The following LMAN1L variants were observed in gnomAD, a reference collection of about 807,000 sequenced individuals.
The protein encoded by LMAN1L is lectin, mannose binding 1 like.
A neutral mutation model predicts 58.3 loss-of-function variants in LMAN1L; 60 were observed. The ratio of observed to expected loss-of-function variants is 1.03; its 90% confidence interval spans 0.84 to 1.27. LMAN1L has a LOEUF of 1.27. Among genes scored for constraint, LMAN1L ranks in the 50% most tolerant of loss-of-function variants. The pLI is 0.00. For synonymous variants in LMAN1L, 280 were observed against 271.6 expected, an observed-to-expected ratio of 1.03 and a Z score of -0.31; for missense variants, 629 against 674.0, an observed-to-expected ratio of 0.93 and a Z score of 0.74.
Position 74,819,757 on chromosome 15 carries a change from G to A in LMAN1L, c.719-287G>A, listed in dbSNP as rs1040579001. The stretch of plus-strand genomic sequence containing the variant: ...GCAGCTGTGCTCTGGGGGCCTAAGA[G>A]TGTCAGATGGTCTGCTGCCATGGCT... On this transcript the variant is annotated intron_variant, in intron 6 of 13. Transcript: ENST00000309664. The A allele has an allele frequency of 4.0e-5, 22 of 544,562 alleles. No individual in the cohort carries two copies. In the Admixed American group the frequency reaches 6.6e-4, roughly 16 times the overall value. The allele number at this position is 544,562 out of a possible 1,614,324, so 33.7% of individuals were successfully genotyped here. A position where few individuals can be genotyped will look rare whatever the true frequency, so the allele number is the denominator to read the frequency against.
chr15:74,816,754 C>G (rs995443345), intron 4 of LMAN1L, 64 bp downstream of exon 4: 57 of 1,484,430 alleles, frequency 3.8e-5, no homozygotes, highest in African/African-American at 4.2e-5. Context: ...CCATCCCCCC[C>G]ATCCGAGCCC....
chr15:74,822,851 G>T (rs1033745570), intron 11 of LMAN1L, 142 bp downstream of exon 11: 1 of 643,494 alleles, frequency 1.6e-6, no homozygotes, highest in Non-Finnish European at 2.8e-6. Flanking sequence ...AGTTAGGTTT[G>T]TTGAGTTGAC....
In LMAN1L at chr15:74,825,701, C is replaced by A. The variant is rs764785452; in HGVS notation, c.*96C>A. On this transcript the variant is annotated 3_prime_UTR_variant, in exon 14 of 14. Coordinates refer to ENST00000309664, the MANE Select transcript of LMAN1L (RefSeq NM_021819.3). ...TCTCCGTCTGGGTGCCCAGCTCCCA[C>A]GCACACCTGAGCTTTCGGCATGCTC... The A allele has an allele frequency of 6.2e-5, 79 of 1,281,510 alleles. No homozygotes were observed. Among genetic ancestry groups the A allele is most frequent in the Non-Finnish European group, 8.4e-5 (77 of 914,694 alleles). 79.4% of individuals were successfully genotyped at this position (1,281,510 alleles called of 1,614,324 possible). A position where few individuals can be genotyped will look rare whatever the true frequency, so the allele number is the denominator to read the frequency against.
At position 74,820,658 on chromosome 15, in the gene LMAN1L, G is replaced by A; in HGVS notation, c.798G>A (p.Glu266=). ...SPEVPPQPFL[E]MQQLRLARQL... ...AGGTTCCCCCTCAGCCCTTCCTGGA[G>A]ATGCAGCAGCTCCGCCTGGCGAGGC... The change falls in exon 8 of 14, where the codon GAG becomes GAA. Residue 266 remains glutamate (E), a synonymous_variant. Coordinates refer to ENST00000309664, the MANE Select transcript of LMAN1L (RefSeq NM_021819.3). The A allele has an allele frequency of 6.2e-7, 1 of 1,614,050 alleles. No homozygotes were observed.
chr15:74,822,874 G>T (rs2063923562), intron 11 of LMAN1L, among the ~76,000 whole-genome samples, 165 bp downstream of exon 11: 2 of 152,208 alleles, frequency 1.3e-5, no homozygotes, highest in Non-Finnish European at 2.9e-5. Flanking sequence ...GAATTTAATT[G>T]AATCAAGTTT....
At chr15:74,816,787 G>GGT in intron 4 of LMAN1L, 97 bp downstream of exon 4, 2 of 1,229,392 alleles carry the variant, frequency 1.6e-6, no homozygotes, top group Non-Finnish European at 1.1e-6. Flanking sequence ...CCTCCAGCAG[G>GGT]GGGCCCACCC....
intron 12 of LMAN1L, chr15:74,824,150 C>T: frequency 1.6e-6 from 1 of 636,190 alleles, no homozygotes; most frequent in Non-Finnish European, 2.8e-6. Flanking sequence ...GCCTTCCCAG[C>T]TGTTCCCACA....
At chr15:74,820,582 G>A (rs2063911927) in intron 7 of LMAN1L, 53 bp from the exon 8 acceptor site, 4 of 1,610,104 alleles carry the variant, frequency 2.5e-6, no homozygotes, top group African/African-American at 1.3e-5. Flanking sequence ...GGCTCCCCTT[G>A]CTTCTGGATC....
In LMAN1L at chr15:74,824,470, G is replaced by A. The variant is rs1366897104; in HGVS notation, c.1443G>A (p.Val481=). Residue 481 remains valine (V), a synonymous_variant, in exon 13 of 14, where the codon GTG becomes GTA. Coordinates refer to ENST00000309664, the MANE Select transcript of LMAN1L (RefSeq NM_021819.3). ...AGACTGTAGGCTTCTTCGGCTACGTGCACTTCAGGTGGGCCACCCCGTGAG... is the reference window on the plus strand; with the variant it reads ...AGACTGTAGGCTTCTTCGGCTACGTACACTTCAGGTGGGCCACCCCGTGAG... The part of the protein sequence containing the change: ...LIQTVGFFGY[V]HFRQELNKSL... 6.2e-7 allele frequency: 1 copy of A among 1,614,182 alleles called. No individual in the cohort carries two copies. Among genetic ancestry groups the A allele is most frequent in the Non-Finnish European group, 8.5e-7 (1 of 1,180,012 alleles).
intron 1 of LMAN1L, chr15:74,813,610 C>A (rs901525846): frequency 2.7e-6 from 1 of 375,246 alleles, no homozygotes; most frequent in African/African-American, 2.1e-5. Flanking sequence ...TCTACCAGAT[C>A]TTGTTCAAAA....
chr15:74,815,539 A>G (rs7176022), intron 1 of LMAN1L, among the ~76,000 whole-genome samples: 5 of 152,022 alleles, frequency 3.3e-5, no homozygotes, highest in Non-Finnish European at 1.5e-5. Context: ...CTTTCATCGC[A>G]GTCCTGTGGG....
intron 7 of LMAN1L, 96 bp downstream of exon 7, chr15:74,820,195 C>A: frequency 9.1e-7 from 1 of 1,101,298 alleles, no homozygotes; most frequent in East Asian, 2.4e-5. Flanking sequence ...CAGCCCTTAC[C>A]TCCACCTGGC....
At chr15:74,820,424 G>A in intron 7 of LMAN1L, 1 of 682,432 alleles carries the variant, frequency 1.5e-6, no homozygotes, top group African/African-American at 1.8e-5. Flanking sequence ...GAGCTTAAAG[G>A]AGCCTCGGAC....
chr15:74,819,124 C>A (rs1187757946), intron 5 of LMAN1L, 28 bp from the exon 6 acceptor site: 4 of 1,583,468 alleles, frequency 2.5e-6, no homozygotes, highest in African/African-American at 1.3e-5. Context: ...GACACCCCCC[C>A]ACTGCTCACT....
chr15:74,816,637 T>C lies in LMAN1L; in HGVS notation c.444T>C (p.Ser148=). The change falls in exon 4 of 14, where the codon AGT becomes AGC. Residue 148 remains serine, a synonymous_variant. Transcript: ENST00000309664. ...TGCTTCTCACCTCCCTGCAGGACAG[T>C]CCTGCCATCCGTGTGCTGGCCAGCG... is the stretch of plus-strand genomic sequence containing the variant. ...FDSPAEDTQD[S]PAIRVLASDG... 1 of 1,613,698 alleles carries C rather than the reference T, an allele frequency of 6.2e-7. No homozygotes were observed.
chr15:74,820,839 G>C, intron 8 of LMAN1L, 72 bp downstream of exon 8: 1 of 1,548,506 alleles, frequency 6.5e-7, no homozygotes. Context: ...ATGACCAGGG[G>C]TCCTTTAATC....
At position 74,812,908 on chromosome 15, in the gene LMAN1L, G is replaced by A; in HGVS notation, c.54G>A (p.Leu18=). The A allele has an allele frequency of 6.2e-7, 1 of 1,613,566 alleles. No individual in the cohort carries two copies. The highest frequency in any genetic ancestry group is 8.5e-7 in the Non-Finnish European group (1 of 1,179,676). Residue 18 remains leucine, a synonymous_variant, in exon 1 of 14, where the codon CTG becomes CTA. Transcript: ENST00000309664. ...TATTCTGCCTTCTCCTCCTGCTCCT[G>A]GACCCCCACAGCCCTGAGACGGGGT... ...GPLFCLLLLL[L]DPHSPETGCP...
In LMAN1L at chr15:74,816,642, C is replaced by T; in HGVS notation, c.449C>T (p.Ala150Val). 1 of 1,613,844 alleles carries T rather than the reference C, an allele frequency of 6.2e-7. No individual in the cohort carries two copies. Among genetic ancestry groups the T allele is most frequent in the Non-Finnish European group, 8.5e-7 (1 of 1,179,858 alleles). ...SPAEDTQDSP[A>V]IRVLASDGHI... ...CTCACCTCCCTGCAGGACAGTCCTGCCATCCGTGTGCTGGCCAGCGACGGG... is the reference window on the plus strand; with the variant it reads ...CTCACCTCCCTGCAGGACAGTCCTGTCATCCGTGTGCTGGCCAGCGACGGG... The change falls in exon 4 of 14, where the codon GCC becomes GTC. Residue 150 changes from alanine to valine, a missense_variant. By Grantham distance (64) the Ala-to-Val change is moderately conservative (BLOSUM62 0). This residue lies in a region of LMAN1L where 573 missense variants were observed against 597.3 expected (regional missense o/e 0.96). Transcript: ENST00000309664.
rs552186049 is a variant in LMAN1L, at chr15:74,820,526, A to G, written c.775-109A>G. ...TCAGAGGGCTGGAAACTGCAGGGCC[A>G]GCTGGCCAGGGAGGAAGGCTGGGCT... On this transcript the variant is annotated intron_variant, in intron 7 of 13. Transcript: ENST00000309664. The G allele has an allele frequency of 1.7e-4, 246 of 1,428,438 alleles. No homozygotes were observed. In the African/African-American group the frequency reaches 3.0e-3, roughly 17 times the overall value. The allele number at this position is 1,428,438 out of a possible 1,614,324, so 88.5% of individuals were successfully genotyped here. A position where few individuals can be genotyped will look rare whatever the true frequency, so the allele number is the denominator to read the frequency against.
Sources: allele counts gnomAD v4.1 joint callset (sites outside exome capture counted in the v4.1 genomes callset), GRCh38; gene constraint gnomAD v4.1.1; regional missense constraint gnomAD v4.1.1; transcripts MANE v1.5; gene names NCBI Gene and HGNC (gene_info 2026-07-23, HGNC 2026-07-21).